Variants in PFKFB3 observed in about 807,000 individuals in gnomAD.
PFKFB3 encodes the protein 6-phosphofructo-2-kinase/fructose-2,6-biphosphatase 3.
In PFKFB3, 33 loss-of-function variants were observed where a neutral mutation model predicts 68.0. The ratio of observed to expected loss-of-function variants is 0.49; its 90% CI spans 0.37 to 0.65. The LOEUF is 0.65. Ranked by LOEUF, PFKFB3 falls within the 30% of genes least tolerant of loss-of-function variation. PFKFB3 has a pLI of 0.00. For missense variants in PFKFB3, 586 were observed against 712.2 expected (o/e 0.82, Z 2.02); for synonymous variants, 315 against 288.2 (o/e 1.09, Z -0.94).
At chr10:6,179,754 G>C (rs658292) in intron 1 of PFKFB3, among the ~76,000 whole-genome samples, 88,550 of 151,392 alleles carry the variant, frequency 0.58, 26,411 homozygotes, top group Middle Eastern at 0.67. Context: ...TTCTGAGCAT[G>C]CAGACGCCAG....
intron 14 of PFKFB3, among the ~76,000 whole-genome samples, chr10:6,232,268 G>T (rs1413759213): frequency 1.4e-5 from 2 of 144,954 alleles, no homozygotes; most frequent in Non-Finnish European, 3.0e-5. Flanking sequence ...TGGCGGGGGG[G>T]TTTGGTACTG....
At chr10:6,249,687 A>G (rs1846334357) in intron 14 of PFKFB3, among the ~76,000 whole-genome samples, 1 of 152,174 alleles carries the variant, frequency 6.6e-6, no homozygotes, top group African/African-American at 2.4e-5. Flanking sequence ...AGGCTGGAGT[A>G]TGGGAGAAAT....
At chr10:6,159,551 G>A (rs1841910950) in intron 1 of PFKFB3, among the ~76,000 whole-genome samples, 1 of 151,654 alleles carries the variant, frequency 6.6e-6, no homozygotes, top group Admixed American at 6.6e-5. Flanking sequence ...AATTAGCTGG[G>A]TGTGGTGGTG....
intron 1 of PFKFB3, among the ~76,000 whole-genome samples, chr10:6,151,770 G>A (rs1007033758): frequency 6.6e-6 from 1 of 152,168 alleles, no homozygotes; most frequent in Non-Finnish European, 1.5e-5. Flanking sequence ...TGAGAAAGAG[G>A]AAGGTCTTGC....
chr10:6,298,789 C>T, the PFKFB3 span, among the ~76,000 whole-genome samples: 1 of 152,196 alleles, frequency 6.6e-6, no homozygotes, highest in African/African-American at 2.4e-5. Flanking sequence ...ATCTCTAACG[C>T]ACCCCAACGC....
Position 6,221,723 on chromosome 10 carries a change from A to G in PFKFB3, c.1061A>G (p.Tyr354Cys), listed in dbSNP as rs769882100. ...EYALREQDKY[Y>C]YRYPTGESYQ... ...GCGCTGCGGGAGCAGGACAAGTACTATTACCGCTACCCCACCGGGGAGGTG... is the reference window on the plus strand; with the variant it reads ...GCGCTGCGGGAGCAGGACAAGTACTGTTACCGCTACCCCACCGGGGAGGTG... Residue 354 changes from tyrosine (Y) to cysteine (C), a missense_variant, in exon 10 of 15, where the codon TAT (tyrosine) becomes TGT (cysteine). By Grantham distance (194) the Tyr-to-Cys change is radical. Transcript: ENST00000379775. The G allele has an allele frequency of 1.2e-6, 2 of 1,604,602 alleles. No individual in the cohort carries two copies. Among genetic ancestry groups the G allele is most frequent in the East Asian group, 2.2e-5 (1 of 44,574 alleles).
intron 1 of PFKFB3, among the ~76,000 whole-genome samples, chr10:6,177,487 T>TC (rs1554842945): frequency 4.5e-4 from 58 of 129,008 alleles, no homozygotes; most frequent in African/African-American, 1.1e-3. Flanking sequence ...TTTCTTTCTT[T>TC]TTCTTTTCTT....
the PFKFB3 span, among the ~76,000 whole-genome samples, chr10:6,262,404 G>A: frequency 1.6e-5 from 2 of 128,424 alleles, no homozygotes; most frequent in Admixed American, 9.9e-5. Flanking sequence ...GCAGTGAGCA[G>A]AGATCACACC....
intron 1 of PFKFB3, among the ~76,000 whole-genome samples, chr10:6,178,851 A>G (rs1335780299): frequency 6.6e-6 from 1 of 152,158 alleles, no homozygotes; most frequent in Non-Finnish European, 1.5e-5. Flanking sequence ...CTGAGCCGGG[A>G]CGCAGCGCAC....
the PFKFB3 span, among the ~76,000 whole-genome samples, chr10:6,291,708 C>T: frequency 6.6e-6 from 1 of 152,090 alleles, no homozygotes; most frequent in African/African-American, 2.4e-5. Context: ...TGCTATAGCT[C>T]GTTAAGTATC....
chr10:6,276,880 G>T, the PFKFB3 span, among the ~76,000 whole-genome samples: 1 of 149,230 alleles, frequency 6.7e-6, no homozygotes, highest in Non-Finnish European at 1.5e-5. Flanking sequence ...TTGTAGGCAG[G>T]TTTATCACAT....
intron 1 of PFKFB3, among the ~76,000 whole-genome samples, chr10:6,193,550 T>G (rs927844581): frequency 3.9e-5 from 6 of 152,242 alleles, no homozygotes; most frequent in South Asian, 4.1e-4. Context: ...CAGTGATTAC[T>G]CTCAGGTTTC....
rs542600944 is a variant in PFKFB3, at chr10:6,147,492, A to G, written c.16+2479A>G. Among the ~76,000 whole-genome samples, 184 of 152,296 alleles carry G rather than the reference A, an allele frequency of 1.2e-3. 8 individuals carry two copies. In the South Asian group the frequency reaches 0.036, roughly 30 times the overall value. On this transcript the variant is annotated intron_variant, in intron 1 of 14. Transcript: ENST00000379789. Reference sequence around the variant, plus strand: ...TCAGGGGCCCAGCGGGTACCAGGCAAGTCGAGGAGTTTAATGATGGGGAGA... The same window carrying G: ...TCAGGGGCCCAGCGGGTACCAGGCAGGTCGAGGAGTTTAATGATGGGGAGA...
intron 1 of PFKFB3, among the ~76,000 whole-genome samples, chr10:6,184,893 C>T (rs583586): frequency 2.6e-5 from 4 of 151,782 alleles, no homozygotes; most frequent in African/African-American, 9.7e-5. Flanking sequence ...CAGGCGTGAG[C>T]CAGCCTGCCG....
the PFKFB3 span, among the ~76,000 whole-genome samples, chr10:6,270,158 AACAACAACG>A: frequency 3.3e-5 from 5 of 152,106 alleles, no homozygotes; most frequent in African/African-American, 1.2e-4. Context: ...AAAACAAAAC[AACAACAACG>A]ACAACAACAA....
At chr10:6,275,767 A>C in the PFKFB3 span, among the ~76,000 whole-genome samples, 2 of 152,106 alleles carry the variant, frequency 1.3e-5, no homozygotes, top group African/African-American at 4.8e-5. This position sits in a 1 kb window ranked among gnomAD's most constrained non-coding sequence, Gnocchi z 4.9. Context: ...GGCATGGGCC[A>C]CCACGCCCGG....
At chr10:6,191,996 A>G (rs1279068334) in intron 1 of PFKFB3, among the ~76,000 whole-genome samples, 1 of 140,576 alleles carries the variant, frequency 7.1e-6, no homozygotes, top group Non-Finnish European at 1.6e-5. Context: ...GTAAAATTGT[A>G]TTCAATCAAT....
chr10:6,285,225 A>ATTTTTTT, the PFKFB3 span, among the ~76,000 whole-genome samples: 1 of 139,460 alleles, frequency 7.2e-6, no homozygotes. Flanking sequence ...TACAATCTCT[A>ATTTTTTT]TTTTTTTTTT....
upstream of PFKFB3, among the ~76,000 whole-genome samples, chr10:6,200,482 G>A (rs148359054): frequency 1.3e-5 from 2 of 152,146 alleles, no homozygotes; most frequent in East Asian, 3.9e-4. Context: ...GTTGCAGTTG[G>A]GTTGTTTATA....
Sources: gnomAD v4.1 joint callset for allele counts (sites outside exome capture counted in the v4.1 genomes callset) on GRCh38, gnomAD v4.1.1 for gene constraint, Gnocchi (gnomAD v3.1) non-coding constraint, MANE v1.5 for transcripts, NCBI Gene and HGNC (gene_info 2026-07-23, HGNC 2026-07-21) for gene names.